The following NTNG2 variants were observed in gnomAD, a reference collection of about 807,000 sequenced individuals.
The protein encoded by NTNG2 is netrin G2, also known as netrin-G2.
NTNG2 carries 15 observed loss-of-function variants against 47.6 expected under a neutral mutation model. The observed-to-expected ratio is 0.32, with a 90% CI of 0.21 to 0.49. NTNG2 has a LOEUF of 0.49. Ranked by LOEUF, NTNG2 falls within the 20% of genes least tolerant of loss-of-function variation. NTNG2 has a pLI of 0.99. For synonymous variants in NTNG2, 307 were observed against 324.6 expected (o/e 0.95, Z 0.58); for missense variants, 578 against 764.6 (o/e 0.76, Z 2.88).
chr9:132,216,414 C>CTCTCTCTCTCTGTGTGTGTGTGTG (rs1554790515), intron 3 of NTNG2, among the ~76,000 whole-genome samples: 4 of 110,334 alleles, frequency 3.6e-5, no homozygotes, highest in African/African-American at 1.5e-4. Flanking sequence ...CTCTCTCTCT[C>CTCTCTCTCTCTGTGTGTGTGTGTG]TGTGTGTGTG....
Position 132,162,619 on chromosome 9 carries a change from G to GTGTGTC in NTNG2, c.-484+380_-484+381insTGTGTC, listed in dbSNP as rs1823774642. ...GTGTGTGTGTGTGTGTGTGTGTGTC[G>GTGTGTC]GGGAGGGATGTTGCAAGGATGCTCG... On this transcript the variant is annotated intron_variant, in intron 1 of 7. Coordinates refer to ENST00000393229, the MANE Select transcript of NTNG2 (RefSeq NM_032536.4). The surrounding 1 kb of genome is among the most constrained non-coding windows in gnomAD (Gnocchi z 4.6). Among the ~76,000 whole-genome samples the GTGTGTC allele has an allele frequency of 3.9e-5, 3 of 77,476 alleles. No homozygotes were observed. The highest frequency in any genetic ancestry group is 1.4e-4 in the African/African-American group (3 of 21,062). The allele number at this position is 77,476 out of a possible 152,430, so 50.8% of individuals were successfully genotyped here. A position where few individuals can be genotyped will look rare whatever the true frequency, so the allele number is the denominator to read the frequency against.
intron 2 of NTNG2, among the ~76,000 whole-genome samples, chr9:132,168,563 G>A (rs189715350): frequency 6.6e-6 from 1 of 152,294 alleles, no homozygotes. Flanking sequence ...GAGAGGGAGG[G>A]AGAGAGGGAA....
intron 3 of NTNG2, among the ~76,000 whole-genome samples, chr9:132,207,954 A>C (rs746556584): frequency 6.6e-6 from 1 of 151,968 alleles, no homozygotes; most frequent in Non-Finnish European, 1.5e-5. Flanking sequence ...AAATACAAAA[A>C]TTAGCCAGGC....
chr9:132,241,645 C>T, intron 7 of NTNG2: 1 of 524,834 alleles, frequency 1.9e-6, no homozygotes, highest in South Asian at 2.2e-5. Context: ...AGCACCGAGG[C>T]CAGTGGGGCG....
intron 3 of NTNG2, among the ~76,000 whole-genome samples, chr9:132,225,953 G>T (rs762840715): frequency 1.4e-4 from 21 of 152,210 alleles, no homozygotes; most frequent in East Asian, 5.8e-4. Flanking sequence ...TTTCCTGTGC[G>T]CTCACAGCTG....
At chr9:132,202,786 G>A (rs1384934778) in intron 3 of NTNG2, among the ~76,000 whole-genome samples, 1 of 152,180 alleles carries the variant, frequency 6.6e-6, no homozygotes, top group African/African-American at 2.4e-5. Flanking sequence ...ACCACTGAGA[G>A]CTTTGGGACC....
rs529498896 is a variant in NTNG2, at chr9:132,185,321, C to T, written c.214-12645C>T. Among the ~76,000 whole-genome samples the T allele has an allele frequency of 1.2e-3, 180 of 152,254 alleles. 1 individual carries two copies. Among genetic ancestry groups the T allele is most frequent in the African/African-American group, 4.1e-3 (169 of 41,530 alleles). ...AGCTCTCAGAGAAGAGGAGAGGGGG[C>T]CCAGAAAAGGCCCCCAGGATCTGGG... On this transcript the variant is annotated intron_variant, in intron 2 of 7. Transcript: ENST00000393229.
At chr9:132,181,975 C>T (rs1010100875) in intron 2 of NTNG2, among the ~76,000 whole-genome samples, 1 of 151,960 alleles carries the variant, frequency 6.6e-6, no homozygotes, top group Non-Finnish European at 1.5e-5. Context: ...TGTGTGTGTG[C>T]GTGCGTGCAG....
rs1835079437 is a variant in NTNG2, at chr9:132,162,169, G to C, written c.-554G>C. On this transcript the variant is annotated 5_prime_UTR_variant, in exon 1 of 8. Transcript: ENST00000393229. This position sits in a 1 kb window ranked among gnomAD's most constrained non-coding sequence, Gnocchi z 4.6. ...CACCCAGCGCCAGCCCGAGGGGGGA[G>C]GCGCAGCGCCGGAGGGTGGCGGTCC... The C allele has an allele frequency of 6.6e-6, 1 of 152,522 alleles. No individual in the cohort carries two copies. The highest frequency in any genetic ancestry group is 1.5e-5 in the Non-Finnish European group (1 of 67,804). 9.4% of individuals were successfully genotyped at this position (152,522 alleles called of 1,614,324 possible).
chr9:132,202,165 T>C (rs1838813400), intron 3 of NTNG2, among the ~76,000 whole-genome samples: 1 of 152,132 alleles, frequency 6.6e-6, no homozygotes, highest in South Asian at 2.1e-4. Flanking sequence ...AATTGAAGGT[T>C]CTTTGATGGG....
intron 2 of NTNG2, among the ~76,000 whole-genome samples, chr9:132,172,686 A>G (rs937386900): frequency 6.7e-6 from 1 of 149,234 alleles, no homozygotes; most frequent in Admixed American, 6.7e-5. Flanking sequence ...GGTGTGATCC[A>G]GGAACGCTTC....
chr9:132,176,125 G>A (rs528726969), intron 2 of NTNG2, among the ~76,000 whole-genome samples: 1 of 152,098 alleles, frequency 6.6e-6, no homozygotes, highest in East Asian at 1.9e-4. Flanking sequence ...GAGGCAGGAG[G>A]ATCACTTGAG....
At chr9:132,196,341 C>T (rs1374681750) in intron 2 of NTNG2, among the ~76,000 whole-genome samples, 1 of 152,188 alleles carries the variant, frequency 6.6e-6, no homozygotes, top group Non-Finnish European at 1.5e-5. Context: ...CAGGCATGCA[C>T]CACCACGCCC....
intron 2 of NTNG2, among the ~76,000 whole-genome samples, chr9:132,176,723 G>C (rs1165402814): frequency 1.3e-5 from 2 of 152,292 alleles, no homozygotes; most frequent in South Asian, 4.1e-4. Context: ...TGGAGTTTCT[G>C]GGTCACAAGG....
rs1837000924 is a variant in NTNG2 at position 132,182,218 on chromosome 9, G to A, written c.213+15174G>A. On this transcript the variant is annotated intron_variant, in intron 2 of 7. Transcript: ENST00000393229. This position sits in a 1 kb window ranked among gnomAD's most constrained non-coding sequence, Gnocchi z 4.2. ...GGGGAAGGCGAGATGGCTTTGCCTG[G>A]AGGAACCTGATTGTTTTTCTGGGGA... Among the ~76,000 whole-genome samples the A allele has an allele frequency of 6.6e-6, 1 of 152,258 alleles. No homozygotes were observed. The highest frequency in any genetic ancestry group is 1.5e-5 in the Non-Finnish European group (1 of 68,044).
chr9:132,238,837 T>C, intron 5 of NTNG2: 1 of 532,752 alleles, frequency 1.9e-6, no homozygotes, highest in South Asian at 1.9e-5. Flanking sequence ...AGCTGCCCAC[T>C]GGCCCTCCCT....
rs1001158828 is a variant in NTNG2 at position 132,243,016 on chromosome 9, C to T, written c.*905C>T. On this transcript the variant is annotated 3_prime_UTR_variant, in exon 8 of 8. Transcript: ENST00000393229. ...GGCTTGGCTGGCAGAGTTTTCCACC[C>T]CGCGGCCAGGCTGCAGGTGCCCCAC... 6.6e-6 allele frequency: 1 copy of T among 152,212 alleles called. No individual in the cohort carries two copies. The highest frequency in any genetic ancestry group is 2.4e-5 in the African/African-American group (1 of 41,450). The allele number at this position is 152,212 out of a possible 1,614,324, so 9.4% of individuals were successfully genotyped here.
At chr9:132,234,306 G>C (rs1007025012) in intron 5 of NTNG2, among the ~76,000 whole-genome samples, 2 of 152,196 alleles carry the variant, frequency 1.3e-5, no homozygotes, top group Admixed American at 6.5e-5. Context: ...GGGATTCCAG[G>C]CGTGAGCCAC....
intron 3 of NTNG2, among the ~76,000 whole-genome samples, chr9:132,213,725 C>T (rs1434913468): frequency 1.3e-5 from 2 of 152,210 alleles, no homozygotes; most frequent in South Asian, 2.1e-4. Context: ...ACACTCTTCA[C>T]CCAAAGATAA....
Sources: allele counts gnomAD v4.1 joint callset (sites outside exome capture counted in the v4.1 genomes callset), GRCh38; gene constraint gnomAD v4.1.1; non-coding constraint Gnocchi (gnomAD v3.1); transcripts MANE v1.5; gene names NCBI Gene and HGNC (gene_info 2026-07-23, HGNC 2026-07-21).